The following TMEM176B variants were observed in gnomAD, a reference collection of about 807,000 sequenced individuals.
The protein encoded by TMEM176B is transmembrane protein 176B, also known as LR8-like protein.
A neutral mutation model predicts 30.3 loss-of-function variants in TMEM176B; 28 were observed. The observed-to-expected ratio is 0.92, with a 90% CI of 0.68 to 1.27. The LOEUF (loss-of-function observed/expected upper bound fraction) is 1.27. TMEM176B is among the 50% of genes most tolerant of loss of function. TMEM176B has a pLI of 0.00. For missense variants in TMEM176B, 349 were observed against 327.4 expected, an observed-to-expected ratio of 1.07 and a Z score of -0.51; for synonymous variants, 123 against 130.3, an observed-to-expected ratio of 0.94 and a Z score of 0.38.
intron 2 of TMEM176B, among the ~76,000 whole-genome samples, chr7:150,795,056 C>T (rs1450236408): frequency 6.6e-6 from 1 of 152,138 alleles, no homozygotes; most frequent in African/African-American, 2.4e-5. Flanking sequence ...ATGCCCCAAA[C>T]CCCTTCACTC....
At chr7:150,791,719 G>A in intron 6 of TMEM176B, 96 bp from the exon 7 acceptor site, 2 of 1,148,804 alleles carry the variant, frequency 1.7e-6, no homozygotes, top group Non-Finnish European at 2.4e-6. Context: ...AAGGAGGAGG[G>A]AAAGGAAAAG....
chr7:150,791,462 A>C lies in TMEM176B; in HGVS notation c.*69T>G. 2 of 1,340,334 alleles carry C rather than the reference A, an allele frequency of 1.5e-6. No individual in the cohort carries two copies. The highest frequency in any genetic ancestry group is 1.5e-5 in the African/African-American group (1 of 68,016). 83.0% of individuals were successfully genotyped at this position (1,340,334 alleles called of 1,614,324 possible). A position where few individuals can be genotyped will look rare whatever the true frequency, so the allele number is the denominator to read the frequency against. ...GGCCATAGGGGAGGCAAGTGTGAGG[A>C]GCCAGGAGTGGGGGCCCTGGGCTGC... On this transcript the variant is annotated 3_prime_UTR_variant, in exon 7 of 7. Transcript: ENST00000326442.
At chr7:150,798,509 T>C (rs1798615511) in intron 1 of TMEM176B, among the ~76,000 whole-genome samples, 2 of 152,166 alleles carry the variant, frequency 1.3e-5, no homozygotes, top group African/African-American at 2.4e-5. Context: ...TCTCCTGACC[T>C]CATGATCCGC....
chr7:150,796,953 C>CAA (rs201514860), intron 1 of TMEM176B, among the ~76,000 whole-genome samples: 2 of 151,034 alleles, frequency 1.3e-5, no homozygotes, highest in African/African-American at 4.9e-5. Flanking sequence ...GACTCCATCT[C>CAA]AAAAAAAACA....
chr7:150,798,272 T>G (rs996265082), intron 1 of TMEM176B, among the ~76,000 whole-genome samples: 2 of 152,184 alleles, frequency 1.3e-5, no homozygotes, highest in African/African-American at 4.8e-5. Context: ...ATTTCATTTT[T>G]TTATTATGTA....
intron 4 of TMEM176B, 81 bp from the exon 5 acceptor site, chr7:150,793,396 T>A: frequency 1.3e-6 from 2 of 1,515,250 alleles, no homozygotes; most frequent in South Asian, 1.2e-5. Flanking sequence ...ATCCCTCTCC[T>A]CTTCCCCAGC....
chr7:150,793,519 T>A, intron 4 of TMEM176B, 25 bp downstream of exon 4: 1 of 1,611,702 alleles, frequency 6.2e-7, no homozygotes, highest in South Asian at 1.1e-5. Flanking sequence ...GTGAACAAGG[T>A]GGAGAGAGGG....
At chr7:150,793,039 GA>G in intron 5 of TMEM176B, 48 bp downstream of exon 5, 1 of 1,595,052 alleles carries the variant, frequency 6.3e-7, no homozygotes. Context: ...AGCTCCCTGG[GA>G]AAAAAGAGCT....
rs1798389077 is a variant in TMEM176B, at chr7:150,793,274, T to C, written c.414A>G (p.Thr138=). Residue 138 remains threonine (T), a synonymous_variant, in exon 5 of 7, where the codon ACA becomes ACG. Coordinates refer to ENST00000326442, the MANE Select transcript of TMEM176B (RefSeq NM_001101312.2). ...SSLLTLAGFA[T]AMAAVVLCVN... ...CGCAGAGGACAACAGCAGCCATAGC[T>C]GTAGCAAAGCCTGCCAGGGTGAGCA... 6.2e-7 allele frequency: 1 copy of C among 1,614,030 alleles called. No homozygotes were observed. The highest frequency in any genetic ancestry group is 1.7e-5 in the Admixed American group (1 of 60,002).
At chr7:150,797,067 C>T (rs983901249) in intron 1 of TMEM176B, among the ~76,000 whole-genome samples, 2 of 152,196 alleles carry the variant, frequency 1.3e-5, no homozygotes, top group African/African-American at 2.4e-5. Flanking sequence ...TGATTTTACA[C>T]ATAAAAAAGT....
At chr7:150,794,896 A>C in intron 2 of TMEM176B, among the ~76,000 whole-genome samples, 1 of 135,248 alleles carries the variant, frequency 7.4e-6, no homozygotes. Context: ...TCACATCCAA[A>C]TCCCCTACTA....
In TMEM176B at chr7:150,796,397, G is replaced by T; in HGVS notation, c.173C>A (p.Ala58Asp). The T allele has an allele frequency of 6.2e-7, 1 of 1,614,188 alleles. No individual in the cohort carries two copies. Among genetic ancestry groups the T allele is most frequent in the Non-Finnish European group, 8.5e-7 (1 of 1,180,050 alleles). Residue 58 changes from alanine to aspartate, a missense_variant, in exon 2 of 7, where the codon GCC becomes GAC. Transcript: ENST00000326442. Reference sequence around the variant, plus strand: ...AGCCAGCTGCTCATAACCAATCCTGGCTGTGGAAGGCACAGTGTCCCCAGG... The same window carrying T: ...AGCCAGCTGCTCATAACCAATCCTGTCTGTGGAAGGCACAGTGTCCCCAGG... ...FHPGDTVPST[A>D]RIGYEQLALG...
At chr7:150,800,605 C>G (rs1430619694), upstream of TMEM176B, 2 of 152,616 alleles carry the variant, frequency 1.3e-5, no homozygotes, top group Non-Finnish European at 2.9e-5. Context: ...TTCCCAGGGC[C>G]GTCCGCCCGC....
intron 5 of TMEM176B, 58 bp from the exon 6 acceptor site, chr7:150,792,233 A>C: frequency 6.3e-7 from 1 of 1,598,206 alleles, no homozygotes; most frequent in Non-Finnish European, 8.5e-7. Flanking sequence ...TGCTGCCCAC[A>C]TCACCACCCT....
chr7:150,796,192 C>T (rs575101305), intron 2 of TMEM176B, among the ~76,000 whole-genome samples, 174 bp downstream of exon 2: 1 of 152,170 alleles, frequency 6.6e-6, no homozygotes, highest in Non-Finnish European at 1.5e-5. Context: ...AAGCCTCTAA[C>T]CTTCTCTTTG....
intron 2 of TMEM176B, among the ~76,000 whole-genome samples, chr7:150,794,486 C>T (rs1315977061): frequency 1.3e-5 from 2 of 151,958 alleles, no homozygotes; most frequent in South Asian, 2.1e-4. Context: ...AAAGAAGTGC[C>T]GCTGAGACCT....
rs1267496797 is a variant in TMEM176B, at chr7:150,796,427, AAAAG to A, written c.139_142del (p.Leu47PhefsTer20). ...GGAAGGCACAGTGTCCCCAGGGTGA[AAAAG>A]AAACTTCTTCAGAGAACCTCCAGCT... is the stretch of plus-strand genomic sequence containing the variant. On this transcript the variant is annotated frameshift_variant, in exon 2 of 7. Transcript: ENST00000326442. LOFTEE classifies it high-confidence loss of function. The A allele has an allele frequency of 6.2e-7, 1 of 1,614,202 alleles. No individual in the cohort carries two copies. Among genetic ancestry groups the A allele is most frequent in the Non-Finnish European group, 8.5e-7 (1 of 1,180,044 alleles).
chr7:150,800,235 ACTC>A (rs1409169186), intron 1 of TMEM176B, 60 bp downstream of exon 1: 1 of 151,806 alleles, frequency 6.6e-6, no homozygotes, highest in African/African-American at 2.4e-5. Flanking sequence ...GGCCCTGGGG[ACTC>A]CTCGTGACAG....
upstream of TMEM176B, chr7:150,801,060 C>A (rs1798764153): frequency 1.1e-6 from 1 of 926,886 alleles, no homozygotes; most frequent in Non-Finnish European, 1.3e-6. Context: ...GAGCAGCAGT[C>A]GGTGGAGCGG....
Sources: allele counts gnomAD v4.1 joint callset (sites outside exome capture counted in the v4.1 genomes callset), GRCh38; gene constraint gnomAD v4.1.1; transcripts MANE v1.5; gene names NCBI Gene and HGNC (gene_info 2026-07-23, HGNC 2026-07-21).